RASGEF1C: variants seen among roughly 807,000 people sequenced by gnomAD.
RASGEF1C encodes the protein ras-GEF domain-containing family member 1C.
A neutral mutation model predicts 58.1 loss-of-function variants in RASGEF1C; 27 were observed. The observed-to-expected ratio is 0.46, with a 90% CI of 0.34 to 0.64. RASGEF1C has a LOEUF of 0.64. Among genes scored for constraint, RASGEF1C ranks in the 30% least tolerant of loss-of-function variants. The probability of loss-of-function intolerance (pLI) is 0.01; values close to 1 mark genes in which losing one functional copy is unlikely to be tolerated. For synonymous variants in RASGEF1C, 243 were observed against 246.3 expected (o/e 0.99, Z 0.13); for missense variants, 502 against 605.1 (o/e 0.83, Z 1.79).
chr5:180,131,159 A>G (rs1766360740), intron 4 of RASGEF1C, among the ~76,000 whole-genome samples: 1 of 152,092 alleles, frequency 6.6e-6, no homozygotes, highest in African/African-American at 2.4e-5. Context: ...GCAGCCACAG[A>G]GGTCTGTTCA....
At chr5:180,157,227 A>G (rs4700887) in intron 1 of RASGEF1C, among the ~76,000 whole-genome samples, 40,481 of 152,042 alleles carry the variant, frequency 0.27, 5,916 homozygotes, top group East Asian at 0.5. Flanking sequence ...TGTTTCTAGC[A>G]GTATTATCAT....
intron 10 of RASGEF1C, chr5:180,115,290 T>TTAA: frequency 3.0e-5 from 12 of 397,542 alleles, no homozygotes; most frequent in Non-Finnish European, 5.0e-5. Flanking sequence ...GCCTCCTTTT[T>TTAA]AAAAAAAAAA....
intron 1 of RASGEF1C, among the ~76,000 whole-genome samples, chr5:180,181,955 G>A (rs1035305595): frequency 2.6e-5 from 4 of 151,616 alleles, no homozygotes; most frequent in African/African-American, 7.3e-5. Flanking sequence ...TGTAATCCTA[G>A]CACTTTGGGA....
At chr5:180,173,634 G>A (rs1467190853) in intron 1 of RASGEF1C, among the ~76,000 whole-genome samples, 2 of 152,326 alleles carry the variant, frequency 1.3e-5, no homozygotes, top group Non-Finnish European at 2.9e-5. Flanking sequence ...GGTGCAGTTG[G>A]CCGGGCACGG....
rs549752628 is a variant in RASGEF1C at position 180,127,009 on chromosome 5, C to T, written c.714+600G>A. ...GAAAAATGCAATCTCATAGTTTGTA[C>T]TTTTATTAGGTGTGAGGGCAGAAGG... is the stretch of plus-strand genomic sequence containing the variant. On this transcript the variant is annotated intron_variant, in intron 6 of 13. Coordinates refer to ENST00000361132, the MANE Select transcript of RASGEF1C (RefSeq NM_175062.4). Among the ~76,000 whole-genome samples the T allele has an allele frequency of 2.0e-5, 3 of 152,068 alleles. No individual in the cohort carries two copies. In the South Asian group the frequency reaches 6.2e-4, roughly 32 times the overall value.
intron 10 of RASGEF1C, among the ~76,000 whole-genome samples, chr5:180,117,634 G>A (rs1462953367): frequency 6.6e-6 from 1 of 152,306 alleles, no homozygotes; most frequent in South Asian, 2.1e-4. Context: ...CATGCCATGA[G>A]TAGAATTTGG....
chr5:180,128,518 G>A lies in RASGEF1C; in HGVS notation c.531C>T (p.Asp177=). The change falls in exon 5 of 14, where the codon GAC becomes GAT. Residue 177 remains aspartate (D), a synonymous_variant. Transcript: ENST00000361132. ...GCTTGGTCCTGTAGGAGATGGGCTTGTCGGCACCCACCAGACCTTCTGGCC... is the reference window on the plus strand; with the variant it reads ...GCTTGGTCCTGTAGGAGATGGGCTTATCGGCACCCACCAGACCTTCTGGCC... ...RQGPEGLVGA[D]KPISYRTKPP... is the part of the protein sequence containing the mutation. 2 of 1,614,160 alleles carry A rather than the reference G, an allele frequency of 1.2e-6. No individual in the cohort carries two copies. Among genetic ancestry groups the A allele is most frequent in the Non-Finnish European group, 1.7e-6 (2 of 1,180,026 alleles).
intron 1 of RASGEF1C, among the ~76,000 whole-genome samples, chr5:180,201,909 G>C (rs1756401605): frequency 6.6e-6 from 1 of 152,188 alleles, no homozygotes; most frequent in Non-Finnish European, 1.5e-5. Flanking sequence ...TGTACCTCCA[G>C]CCTCCAGAAC....
At chr5:180,189,476 T>G (rs1196199685) in intron 1 of RASGEF1C, among the ~76,000 whole-genome samples, 2 of 152,214 alleles carry the variant, frequency 1.3e-5, no homozygotes, top group African/African-American at 2.4e-5. Context: ...AAGACTTATT[T>G]AAAGCTACAA....
At chr5:180,138,297 G>A (rs1255600860) in intron 1 of RASGEF1C, 2 of 390,014 alleles carry the variant, frequency 5.1e-6, no homozygotes, top group East Asian at 7.6e-5. Flanking sequence ...CCCATCTCTT[G>A]TCTACTCCTC....
rs571380655 is a variant in RASGEF1C, at chr5:180,130,097, G to A, written c.439-1487C>T. Among the ~76,000 whole-genome samples, 117 of 152,304 alleles carry A rather than the reference G, an allele frequency of 7.7e-4. 1 individual carries two copies. Among genetic ancestry groups the A allele is most frequent in the Middle Eastern group, 3.4e-3 (1 of 294 alleles). On this transcript the variant is annotated intron_variant, in intron 4 of 13. Coordinates refer to ENST00000361132, the MANE Select transcript of RASGEF1C (RefSeq NM_175062.4). Reference sequence around the variant, plus strand: ...GGCTGGGCTCTCATAGCACAGCGGCGGCAGCACAGACCTTGCAGCCCTGTG... The same window carrying A: ...GGCTGGGCTCTCATAGCACAGCGGCAGCAGCACAGACCTTGCAGCCCTGTG...
At chr5:180,116,279 C>T (rs893047577) in intron 10 of RASGEF1C, among the ~76,000 whole-genome samples, 2 of 152,150 alleles carry the variant, frequency 1.3e-5, no homozygotes, top group African/African-American at 2.4e-5. Flanking sequence ...GGAGGTCACC[C>T]GGATAAGTGG....
At chr5:180,103,545 C>T (rs1473283610) in intron 12 of RASGEF1C, among the ~76,000 whole-genome samples, 1 of 152,198 alleles carries the variant, frequency 6.6e-6, no homozygotes, top group Non-Finnish European at 1.5e-5. Context: ...TGTCTTGTAT[C>T]CTGCAACCTT....
intron 1 of RASGEF1C, among the ~76,000 whole-genome samples, chr5:180,180,394 C>T (rs1234418207): frequency 6.6e-6 from 1 of 152,218 alleles, no homozygotes; most frequent in South Asian, 2.1e-4. Flanking sequence ...ACGAGCTCCA[C>T]GACCCAAAGC....
intron 12 of RASGEF1C, among the ~76,000 whole-genome samples, chr5:180,110,608 G>A (rs544455470): frequency 7.2e-5 from 11 of 152,198 alleles, no homozygotes; most frequent in Non-Finnish European, 1.3e-4. Flanking sequence ...AGAGGGCCCC[G>A]GGACCTGCCC....
At chr5:180,123,671 A>T (rs115531119) in intron 6 of RASGEF1C, among the ~76,000 whole-genome samples, 283 of 152,274 alleles carry the variant, frequency 1.9e-3, no homozygotes, top group African/African-American at 6.6e-3. Flanking sequence ...ATAACAGTAT[A>T]AATCCAAAGA....
Position 180,193,917 on chromosome 5 carries a change from C to T in RASGEF1C, c.-7+15111G>A, listed in dbSNP as rs143421885. Among the ~76,000 whole-genome samples, 156 of 152,068 alleles carry T rather than the reference C, an allele frequency of 1.0e-3. 1 individual carries two copies. Among genetic ancestry groups the T allele is most frequent in the African/African-American group, 3.6e-3 (151 of 41,442 alleles). On this transcript the variant is annotated intron_variant, in intron 1 of 13. Transcript: ENST00000361132. Reference sequence around the variant, plus strand: ...TAAGCACCTAATAGGGTTGGGGTGGCGATCAAGGAAGACCGGCCGGGCATT... The same window carrying T: ...TAAGCACCTAATAGGGTTGGGGTGGTGATCAAGGAAGACCGGCCGGGCATT...
intron 11 of RASGEF1C, among the ~76,000 whole-genome samples, chr5:180,112,853 G>A (rs1273317002): frequency 6.6e-6 from 1 of 152,102 alleles, no homozygotes. Context: ...AGGGACCAAG[G>A]ATGGACGGAG....
At chr5:180,118,513 G>T in intron 10 of RASGEF1C, 96 bp downstream of exon 10, 1 of 1,146,248 alleles carries the variant, frequency 8.7e-7, no homozygotes, top group South Asian at 1.5e-5. Flanking sequence ...GTCTATTACT[G>T]ATGCTGCAGG....
Sources: gnomAD v4.1 joint callset for allele counts (sites outside exome capture counted in the v4.1 genomes callset) on GRCh38, gnomAD v4.1.1 for gene constraint, MANE v1.5 for transcripts, NCBI Gene and HGNC (gene_info 2026-07-23, HGNC 2026-07-21) for gene names.